CUX1: variants seen among roughly 807,000 people sequenced by gnomAD.
CUX1 encodes the protein cut like homeobox 1, also known as protein CASP.
A neutral mutation model predicts 158.8 loss-of-function variants in CUX1; 31 were observed. That is an observed-to-expected ratio of 0.20 (90% confidence interval 0.15 to 0.26). The LOEUF (loss-of-function observed/expected upper bound fraction) is 0.26. CUX1 is among the 10% of genes least tolerant of loss of function. The pLI, the probability that CUX1 is intolerant of heterozygous loss-of-function variation, is 1.00. For missense variants in CUX1, 1,589 were observed against 2,014.6 expected, an observed-to-expected ratio of 0.79 and a Z score of 4.04; for synonymous variants, 879 against 862.1, an observed-to-expected ratio of 1.02 and a Z score of -0.34.
At chr7:102,203,107 C>T (rs1160811986) in intron 18 of CUX1, among the ~76,000 whole-genome samples, 7 of 152,110 alleles carry the variant, frequency 4.6e-5, no homozygotes, top group Non-Finnish European at 8.8e-5. Flanking sequence ...GCTGGGATTA[C>T]GAGTGCCCAC....
At chr7:102,073,416 G>A (rs1005444504) in intron 4 of CUX1, among the ~76,000 whole-genome samples, 6 of 151,752 alleles carry the variant, frequency 4.0e-5, no homozygotes, top group East Asian at 1.9e-4. Flanking sequence ...CAGGTGATCC[G>A]CCTGCCTCAG....
At position 102,097,549 on chromosome 7, in the gene CUX1, T is replaced by C. The variant is rs782711546; in HGVS notation, c.406+48T>C. 11 of 1,086,494 alleles carry C rather than the reference T, an allele frequency of 1.0e-5. 1 individual carries two copies. Among genetic ancestry groups the C allele is most frequent in the South Asian group, 4.5e-5 (3 of 67,034 alleles). 67.3% of individuals were successfully genotyped at this position (1,086,494 alleles called of 1,614,324 possible). On this transcript the variant is annotated intron_variant, in intron 5 of 23. Transcript: ENST00000292535. ...GCTTTTTCTTTTCTTCTTTTTTTTC[T>C]CTTCTTTTTATTTTAATTGGCTTTT...
At chr7:102,280,210 G>T in intron 19 of CUX1, 1 of 796,888 alleles carries the variant, frequency 1.3e-6, no homozygotes, top group South Asian at 1.5e-5. Context: ...CTATCCCTGA[G>T]CACTCGGCCT....
intron 16 of CUX1, among the ~76,000 whole-genome samples, chr7:102,199,674 G>A (rs543516648): frequency 1.4e-3 from 215 of 152,330 alleles, no homozygotes; most frequent in Non-Finnish European, 2.5e-3. Flanking sequence ...TATCCTGTGT[G>A]GGACCCCAGC....
intron 10 of CUX1, among the ~76,000 whole-genome samples, chr7:102,175,340 C>T (rs1250997288): frequency 1.1e-4 from 17 of 152,314 alleles, no homozygotes; most frequent in Admixed American, 7.8e-4. Context: ...TTCGTAAAAG[C>T]CCTTTAATCA....
In CUX1 at chr7:102,278,142, G is replaced by A. The variant is rs76291147; in HGVS notation, c.1680+77G>A. ...GCCGATCAGGGCTCTGGAGATGGGA[G>A]GGTCGGGGACCAAGACCTGCTGGGC... On this transcript the variant is annotated intron_variant, in intron 18 of 22. Transcript: ENST00000292538. 4,009 of 1,107,606 alleles carry A rather than the reference G, an allele frequency of 3.6e-3. 116 individuals are homozygous for A. The African/African-American group carries it at 0.056, about 15-fold the overall frequency. 68.6% of individuals were successfully genotyped at this position (1,107,606 alleles called of 1,614,324 possible).
chr7:102,166,356 A>G (rs1791032550), intron 9 of CUX1, among the ~76,000 whole-genome samples: 1 of 152,202 alleles, frequency 6.6e-6, no homozygotes, highest in African/African-American at 2.4e-5. Flanking sequence ...GGCCGTTCTC[A>G]TGGTGGGGCA....
Position 102,257,094 on chromosome 7 carries a change from G to A in CUX1, c.*8052G>A. The A allele has an allele frequency of 6.1e-6, 6 of 985,384 alleles. No individual in the cohort carries two copies. The highest frequency in any genetic ancestry group is 1.2e-6 in the Non-Finnish European group (1 of 829,944). 61.0% of individuals were successfully genotyped at this position (985,384 alleles called of 1,614,324 possible). A position where few individuals can be genotyped will look rare whatever the true frequency, so the allele number is the denominator to read the frequency against. On this transcript the variant is annotated 3_prime_UTR_variant, in exon 24 of 24. Transcript: ENST00000292535. ...CCAGTTGTTGCCAATCAGGTGTGAA[G>A]GTGAGGCGCCCTGCCTTGATCCCAT...
At chr7:101,890,802 C>T (rs1800801915) in intron 1 of CUX1, among the ~76,000 whole-genome samples, 1 of 152,134 alleles carries the variant, frequency 6.6e-6, no homozygotes, top group Non-Finnish European at 1.5e-5. Context: ...CGAACTCTTC[C>T]AGGCTGTGGC....
intron 15 of CUX1, 24 bp from the exon 16 acceptor site, chr7:102,198,778 C>A: frequency 6.2e-7 from 1 of 1,609,110 alleles, no homozygotes; most frequent in Non-Finnish European, 8.5e-7. Flanking sequence ...TTGTTTTGTT[C>A]TTACCACACT....
intron 1 of CUX1, among the ~76,000 whole-genome samples, chr7:101,834,995 C>CATAAATAA (rs60371062): frequency 9.7e-4 from 145 of 149,056 alleles, no homozygotes; most frequent in South Asian, 6.4e-3. Flanking sequence ...GACTCTGTGT[C>CATAAATAA]ATAAATAAAT....
downstream of CUX1, among the ~76,000 whole-genome samples, chr7:102,261,357 G>A (rs1374017957): frequency 1.3e-5 from 2 of 152,124 alleles, no homozygotes; most frequent in African/African-American, 2.4e-5. Context: ...AGCCAGGCAT[G>A]ATGGCACATG....
chr7:101,933,362 C>T (rs928693979), intron 2 of CUX1, among the ~76,000 whole-genome samples: 2 of 151,996 alleles, frequency 1.3e-5, no homozygotes, highest in Admixed American at 6.6e-5. Context: ...ACTAAGTGGA[C>T]ATTTTCCTTT....
rs754780783 is a variant in CUX1, at chr7:101,853,584, G to GGGGTGTGTGT, written c.30+35916_30+35917insGGTGTGTGTG. ...TATATCAGAGCATGGCAATAGAAAG[G>GGGGTGTGTGT]GTGTGTGTGTGTGTGTGTGTGTGTG... On this transcript the variant is annotated intron_variant, in intron 1 of 23. Coordinates refer to ENST00000292535, the MANE Select transcript of CUX1 (RefSeq NM_181552.4). Among the ~76,000 whole-genome samples the GGGGTGTGTGT allele has an allele frequency of 5.0e-5, 7 of 140,788 alleles. 1 individual carries two copies. The highest frequency in any genetic ancestry group is 1.9e-4 in the African/African-American group (7 of 36,614). 92.4% of individuals were successfully genotyped at this position (140,788 alleles called of 152,430 possible).
chr7:102,110,449 T>C (rs1325946287), intron 6 of CUX1, among the ~76,000 whole-genome samples: 2 of 152,236 alleles, frequency 1.3e-5, no homozygotes, highest in Non-Finnish European at 2.9e-5. Flanking sequence ...TATTACACTA[T>C]AGCTTGTTAC....
intron 1 of CUX1, among the ~76,000 whole-genome samples, chr7:101,835,596 G>A (rs562090032): frequency 1.3e-5 from 2 of 152,064 alleles, no homozygotes; most frequent in East Asian, 1.9e-4. Context: ...TTGTGGGTGC[G>A]TATATTTATG....
At chr7:101,904,117 AACACAC>A (rs10622369) in intron 1 of CUX1, among the ~76,000 whole-genome samples, 46 of 143,854 alleles carry the variant, frequency 3.2e-4, no homozygotes, top group African/African-American at 6.2e-4. Context: ...GTCTTTACAA[AACACAC>A]ACACACACAC....
At chr7:102,226,851 G>A (rs1354615546) in intron 20 of CUX1, among the ~76,000 whole-genome samples, 2 of 152,164 alleles carry the variant, frequency 1.3e-5, no homozygotes, top group Non-Finnish European at 2.9e-5. Flanking sequence ...GGCTGGTCTC[G>A]AACTCCTGAC....
intron 6 of CUX1, among the ~76,000 whole-genome samples, chr7:102,108,396 A>G (rs1195318727): frequency 6.6e-6 from 1 of 152,112 alleles, no homozygotes; most frequent in Non-Finnish European, 1.5e-5. Context: ...CCCAGGCTGG[A>G]ATGCAGTCTC....
Sources: allele counts gnomAD v4.1 joint callset (sites outside exome capture counted in the v4.1 genomes callset), GRCh38; gene constraint gnomAD v4.1.1; transcripts MANE v1.5; gene names NCBI Gene and HGNC (gene_info 2026-07-23, HGNC 2026-07-21).